Variants in KCNJ16 observed in about 807,000 individuals in gnomAD.
KCNJ16 encodes potassium inwardly rectifying channel subfamily J member 16, also known as inward rectifier potassium channel 16.
In KCNJ16, 15 loss-of-function variants were observed where a neutral mutation model predicts 18.5. The ratio of observed to expected loss-of-function variants is 0.81; its 90% CI spans 0.54 to 1.25. The LOEUF (loss-of-function observed/expected upper bound fraction) is 1.25. Among genes scored for constraint, KCNJ16 ranks in the 50% most tolerant of loss-of-function variants. The pLI is 0.00. For synonymous variants in KCNJ16, 174 were observed against 186.5 expected (o/e 0.93, Z 0.55); for missense variants, 523 against 525.7 (o/e 0.99, Z 0.05).
rs145663054 is a variant in KCNJ16, at chr17:70,132,782, C to T, written c.695C>T (p.Thr232Met). Reference sequence around the variant, plus strand: ...ACAGAAGACAGTGAAGGGAGGATGACGATGGCATTTAAAGACCTCAAATTA... The same window carrying T: ...ACAGAAGACAGTGAAGGGAGGATGATGATGGCATTTAAAGACCTCAAATTA... ...RYTEDSEGRM[T>M]MAFKDLKLVN... is the part of the protein sequence containing the mutation. The change falls in exon 4 of 4, where the codon ACG becomes ATG. Residue 232 changes from threonine to methionine, a missense_variant. Transcript: ENST00000392671. 1.4e-4 allele frequency: 218 copies of T among 1,613,960 alleles called. 1 individual carries two copies. The highest frequency in any genetic ancestry group is 1.2e-3 in the Middle Eastern group (7 of 6,062).
intron 2 of KCNJ16, among the ~76,000 whole-genome samples, chr17:70,112,498 A>G (rs556980938): frequency 6.7e-6 from 1 of 150,144 alleles, no homozygotes; most frequent in African/African-American, 2.5e-5. Context: ...CTTGAACTCT[A>G]TGAATGAAAA....
chr17:70,106,285 A>G (rs1181532705), intron 2 of KCNJ16, among the ~76,000 whole-genome samples: 3 of 152,214 alleles, frequency 2.0e-5, no homozygotes, highest in Non-Finnish European at 2.9e-5. Flanking sequence ...CAAATTGGCT[A>G]CGCATTGGCA....
chr17:70,093,276 G>A (rs534163653), intron 1 of KCNJ16, among the ~76,000 whole-genome samples: 34 of 152,308 alleles, frequency 2.2e-4, no homozygotes, highest in Non-Finnish European at 3.2e-4. Flanking sequence ...CTAGAAGTCT[G>A]AGCCAAGGTG....
intron 2 of KCNJ16, chr17:70,102,318 C>T (rs1047205029): frequency 2.0e-5 from 3 of 150,420 alleles, no homozygotes; most frequent in African/African-American, 7.4e-5. Flanking sequence ...ACCTCTGCCT[C>T]CCCGGTTCAA....
chr17:70,083,969 CAG>C (rs2071676888), intron 1 of KCNJ16, among the ~76,000 whole-genome samples: 1 of 152,104 alleles, frequency 6.6e-6, no homozygotes, highest in African/African-American at 2.4e-5. Context: ...AACTTCATAA[CAG>C]GGGTGGCCAG....
chr17:70,078,998 A>C (rs917461932), intron 1 of KCNJ16, among the ~76,000 whole-genome samples: 4 of 152,148 alleles, frequency 2.6e-5, no homozygotes, highest in Admixed American at 6.6e-5. Context: ...GTTCTCTTAA[A>C]ATGGTCTTTT....
chr17:70,119,623 C>G (rs1337092622), intron 2 of KCNJ16, among the ~76,000 whole-genome samples: 11 of 152,192 alleles, frequency 7.2e-5, no homozygotes, highest in Admixed American at 3.9e-4. Flanking sequence ...CAAGCTGTGT[C>G]TGGGGCCCTT....
At position 70,131,919 on chromosome 17, in the gene KCNJ16, C is replaced by G. The variant is rs1176261419; in HGVS notation, c.-93-76C>G. On this transcript the variant is annotated intron_variant, in intron 3 of 3. Transcript: ENST00000392671. ...AGCTATTTTAGATGGTATGACACTG[C>G]TCCAAATTTGGCAAATTGCTATAAA... is the stretch of plus-strand genomic sequence containing the variant. 3 of 1,333,100 alleles carry G rather than the reference C, an allele frequency of 2.3e-6. No individual in the cohort carries two copies. In the African/African-American group the frequency reaches 4.4e-5, roughly 20 times the overall value. The allele number at this position is 1,333,100 out of a possible 1,614,324, so 82.6% of individuals were successfully genotyped here. A position where few individuals can be genotyped will look rare whatever the true frequency, so the allele number is the denominator to read the frequency against.
At chr17:70,126,586 A>G (rs1372602686) in intron 2 of KCNJ16, among the ~76,000 whole-genome samples, 2 of 152,214 alleles carry the variant, frequency 1.3e-5, no homozygotes, top group Non-Finnish European at 2.9e-5. Flanking sequence ...GGCTCAGAGA[A>G]AAGTTATTTC....
chr17:70,122,018 A>G (rs576443733), intron 2 of KCNJ16, among the ~76,000 whole-genome samples: 2 of 152,272 alleles, frequency 1.3e-5, no homozygotes, highest in East Asian at 3.9e-4. Context: ...GAGACCTCTT[A>G]GGAAGTTGTT....
intron 1 of KCNJ16, among the ~76,000 whole-genome samples, chr17:70,079,626 T>C (rs1190366373): frequency 6.6e-6 from 1 of 152,230 alleles, no homozygotes; most frequent in Non-Finnish European, 1.5e-5. Flanking sequence ...TTAAATTTCA[T>C]AAAATGGATC....
Position 70,132,617 on chromosome 17 carries a change from A to G in KCNJ16, c.530A>G (p.Lys177Arg). 1 of 1,614,224 alleles carries G rather than the reference A, an allele frequency of 6.2e-7. No individual in the cohort carries two copies. Among genetic ancestry groups the G allele is most frequent in the East Asian group, 2.2e-5 (1 of 44,880 alleles). ...AALAKMATARKRAQTIRFSYF... is the reference protein window; with the variant it reads ...AALAKMATARRRAQTIRFSYF... ...TTGGCCAAAATGGCAACTGCTCGAAAGAGAGCCCAAACCATTCGTTTCAGC... is the reference window on the plus strand; with the variant it reads ...TTGGCCAAAATGGCAACTGCTCGAAGGAGAGCCCAAACCATTCGTTTCAGC... Residue 177 changes from lysine (K) to arginine (R), a missense_variant, in exon 4 of 4, where the codon AAG (lysine) becomes AGG (arginine). Lys to Arg is a conservative substitution (Grantham distance 26). Coordinates refer to ENST00000392671, the MANE Select transcript of KCNJ16 (RefSeq NM_170741.4).
chr17:70,077,493 C>G (rs951774762), intron 1 of KCNJ16, among the ~76,000 whole-genome samples: 2 of 152,172 alleles, frequency 1.3e-5, no homozygotes, highest in African/African-American at 2.4e-5. Flanking sequence ...TAACAATATG[C>G]TCACCAACAT....
At chr17:70,129,561 A>G (rs1290609225) in intron 2 of KCNJ16, among the ~76,000 whole-genome samples, 1 of 152,188 alleles carries the variant, frequency 6.6e-6, no homozygotes, top group Admixed American at 6.5e-5. Context: ...TGCGTTATTT[A>G]TATCGTTGGA....
intron 1 of KCNJ16, among the ~76,000 whole-genome samples, chr17:70,094,667 T>C (rs559230744): frequency 8.5e-5 from 13 of 152,252 alleles, no homozygotes; most frequent in South Asian, 8.3e-4. Flanking sequence ...TTAAACAAAT[T>C]CGAGGTGGTA....
intron 1 of KCNJ16, among the ~76,000 whole-genome samples, chr17:70,079,958 C>T (rs1453659513): frequency 6.6e-6 from 1 of 152,154 alleles, no homozygotes; most frequent in African/African-American, 2.4e-5. Flanking sequence ...CCACTTCGGC[C>T]TCCCAAAGTG....
chr17:70,103,296 G>GTGTGTGTGTATATATATATA (rs1408960241), intron 2 of KCNJ16, among the ~76,000 whole-genome samples: 7 of 72,050 alleles, frequency 9.7e-5, no homozygotes, highest in African/African-American at 3.1e-4. Context: ...ATGTGTGTGT[G>GTGTGTGTGTATATATATATA]TATATATATA....
At chr17:70,090,913 A>G (rs2055071369) in intron 1 of KCNJ16, among the ~76,000 whole-genome samples, 1 of 152,228 alleles carries the variant, frequency 6.6e-6, no homozygotes, top group Non-Finnish European at 1.5e-5. Flanking sequence ...CTATGAAACA[A>G]AGATTCAAAA....
rs1406436930 is a variant in KCNJ16, at chr17:70,131,969, G to T, written c.-93-26G>T. The T allele has an allele frequency of 2.0e-6, 3 of 1,531,942 alleles. No homozygotes were observed. The African/African-American group carries it at 4.1e-5, about 21-fold the overall frequency. 94.9% of individuals were successfully genotyped at this position (1,531,942 alleles called of 1,614,324 possible). A position where few individuals can be genotyped will look rare whatever the true frequency, so the allele number is the denominator to read the frequency against. ...AGATGGACATTGAAAGCTAAAAAGTGTGTTTTTGTTGTTGTTGTTTTTTAG... is the reference window on the plus strand; with the variant it reads ...AGATGGACATTGAAAGCTAAAAAGTTTGTTTTTGTTGTTGTTGTTTTTTAG... On this transcript the variant is annotated intron_variant, in intron 3 of 3. Coordinates refer to ENST00000392671, the MANE Select transcript of KCNJ16 (RefSeq NM_170741.4).
Sources: gnomAD v4.1 joint callset for allele counts (sites outside exome capture counted in the v4.1 genomes callset) on GRCh38, gnomAD v4.1.1 for gene constraint, MANE v1.5 for transcripts, NCBI Gene and HGNC (gene_info 2026-07-23, HGNC 2026-07-21) for gene names.